GIGYF2: variants seen among roughly 807,000 people sequenced by gnomAD.
GIGYF2 encodes the protein GRB10 interacting GYF protein 2.
Under a neutral mutation model 208.1 loss-of-function variants are expected in GIGYF2, and 25 were observed. The observed-to-expected ratio is 0.12, with a 90% confidence interval of 0.09 to 0.17. The LOEUF is 0.17. Ranked by LOEUF, GIGYF2 falls within the 10% of genes least tolerant of loss-of-function variation. GIGYF2 has a pLI of 1.00. For synonymous variants in GIGYF2, 534 were observed against 543.8 expected (o/e 0.98, Z 0.25); for missense variants, 1,302 against 1,579.4 (o/e 0.82, Z 2.98).
intron 16 of GIGYF2, chr2:232,810,930 G>T: frequency 3.5e-6 from 1 of 287,272 alleles, no homozygotes; most frequent in Non-Finnish European, 6.7e-6. Flanking sequence ...GTTATCTTTG[G>T]AGTTTACCAA....
At chr2:232,785,153 A>G (rs996627741) in intron 8 of GIGYF2, among the ~76,000 whole-genome samples, 3 of 152,150 alleles carry the variant, frequency 2.0e-5, no homozygotes, top group Admixed American at 2.0e-4. Flanking sequence ...AAAATGGACT[A>G]ATAAACCAAG....
intron 2 of GIGYF2, among the ~76,000 whole-genome samples, chr2:232,703,786 C>T (rs763819190): frequency 2.5e-4 from 38 of 152,226 alleles, no homozygotes; most frequent in Non-Finnish European, 4.3e-4. Flanking sequence ...CAGTTGACTT[C>T]ATGAGGGACA....
chr2:232,855,790 C>T (rs1232066128), intron 28 of GIGYF2, among the ~76,000 whole-genome samples: 2 of 152,016 alleles, frequency 1.3e-5, no homozygotes, highest in South Asian at 2.1e-4. Context: ...CCATGGTAAC[C>T]CCCCTGCCCA....
intron 5 of GIGYF2, among the ~76,000 whole-genome samples, chr2:232,752,256 G>A (rs1698360896): frequency 6.6e-6 from 1 of 152,196 alleles, no homozygotes. Context: ...TCAGAGATTA[G>A]TATTGACTAG....
chr2:232,811,153 G>A (rs1700722288), intron 16 of GIGYF2, 91 bp from the exon 17 acceptor site: 4 of 733,864 alleles, frequency 5.5e-6, no homozygotes, highest in African/African-American at 3.4e-5. Context: ...GTCTCCTGGG[G>A]GGCTTTGAAT....
chr2:232,839,956 G>A lies in GIGYF2; in HGVS notation c.2874G>A (p.Arg958=). The change falls in exon 23 of 29, where the codon CGG becomes CGA. Residue 958 remains arginine, a synonymous_variant. Coordinates refer to ENST00000373563, the MANE Select transcript of GIGYF2 (RefSeq NM_001103146.3). The part of the protein sequence containing the change: ...EIQKLEEERE[R]QLREEQRRQQ... ...AAAAACTAGAGGAAGAACGAGAACGGCAGCTTCGAGAAGAGGTAAAATTTT... is the reference window on the plus strand; with the variant it reads ...AAAAACTAGAGGAAGAACGAGAACGACAGCTTCGAGAAGAGGTAAAATTTT... 1 of 1,614,016 alleles carries A rather than the reference G, an allele frequency of 6.2e-7. No homozygotes were observed. Among genetic ancestry groups the A allele is most frequent in the Non-Finnish European group, 8.5e-7 (1 of 1,179,928 alleles).
At chr2:232,822,903 T>C (rs1382085264) in intron 21 of GIGYF2, among the ~76,000 whole-genome samples, 2 of 152,168 alleles carry the variant, frequency 1.3e-5, no homozygotes, top group African/African-American at 4.8e-5. Context: ...TGGATAGAAG[T>C]GGTTAAAATG....
chr2:232,765,124 T>C (rs1242296302), intron 8 of GIGYF2, among the ~76,000 whole-genome samples: 3 of 152,234 alleles, frequency 2.0e-5, no homozygotes, highest in African/African-American at 7.2e-5. Context: ...GATTGAATGC[T>C]TTTTGAAAAG....
At position 232,814,569 on chromosome 2, in the gene GIGYF2, C is replaced by CCG. The variant is rs1553616928; in HGVS notation, c.2108-1067_2108-1066insGC. Among the ~76,000 whole-genome samples the CCG allele has an allele frequency of 1.6e-5, 2 of 126,498 alleles. 1 individual carries two copies. Among genetic ancestry groups the CCG allele is most frequent in the Non-Finnish European group, 3.6e-5 (2 of 56,306 alleles). 83.0% of individuals were successfully genotyped at this position (126,498 alleles called of 152,430 possible). A position where few individuals can be genotyped will look rare whatever the true frequency, so the allele number is the denominator to read the frequency against. On this transcript the variant is annotated intron_variant, in intron 18 of 28. Transcript: ENST00000373563. The stretch of plus-strand genomic sequence containing the variant: ...CAGAGTGAGACTCCACCTCAAACCC[C>CCG]CCCCCCCCAAAAAAAAAGTACCTTC...
chr2:232,847,658 G>T, intron 27 of GIGYF2, 87 bp downstream of exon 27: 1 of 1,546,592 alleles, frequency 6.5e-7, no homozygotes, highest in Non-Finnish European at 8.8e-7. Context: ...TTAATACAAA[G>T]GTACCATTTT....
chr2:232,856,488 A>G (rs565254424), intron 28 of GIGYF2, among the ~76,000 whole-genome samples: 1 of 152,136 alleles, frequency 6.6e-6, no homozygotes, highest in African/African-American at 2.4e-5. Context: ...TCAGGAGTTC[A>G]AGACCAGACT....
In GIGYF2 at chr2:232,858,475, G is replaced by A. The variant is rs1465016812; in HGVS notation, c.*1615G>A. The A allele has an allele frequency of 2.2e-6, 1 of 455,234 alleles. No individual in the cohort carries two copies. Among genetic ancestry groups the A allele is most frequent in the Admixed American group, 2.4e-5 (1 of 42,140 alleles). The allele number at this position is 455,234 out of a possible 1,614,324, so 28.2% of individuals were successfully genotyped here. On this transcript the variant is annotated 3_prime_UTR_variant, in exon 29 of 29. Coordinates refer to ENST00000373563, the MANE Select transcript of GIGYF2 (RefSeq NM_001103146.3). ...AGGGGAGAGGAAACCATTAAAAGTT[G>A]GGGCTCCTACTCTCCTTTGCTTTGT...
intron 2 of GIGYF2, among the ~76,000 whole-genome samples, chr2:232,723,506 C>G (rs1697039124): frequency 6.7e-6 from 1 of 150,108 alleles, no homozygotes; most frequent in East Asian, 2.0e-4. Flanking sequence ...TCTCAGCTCA[C>G]TGCAACCCCG....
chr2:232,845,739 G>A lies in GIGYF2; in HGVS notation c.3313G>A (p.Val1105Ile), dbSNP rs1701978579. Reference sequence around the variant, plus strand: ...CCTATTGTTTTGCTTTAGTAAATCTGTAGGTGTGTCTAACCGGCAGAATAA... The same window carrying A: ...CCTATTGTTTTGCTTTAGTAAATCTATAGGTGTGTCTAACCGGCAGAATAA... ...NKNNASLSKS[V>I]GVSNRQNKKV... is the part of the protein sequence containing the mutation. Residue 1105 changes from valine to isoleucine, a missense_variant, in exon 26 of 29, where the codon GTA becomes ATA. Val to Ile is a conservative substitution (Grantham distance 29). Transcript: ENST00000373563. 3.1e-6 allele frequency: 5 copies of A among 1,599,730 alleles called. No individual in the cohort carries two copies. The highest frequency in any genetic ancestry group is 2.7e-5 in the African/African-American group (2 of 74,612).
intron 8 of GIGYF2, chr2:232,765,948 A>G (rs897149263): frequency 8.5e-6 from 4 of 471,042 alleles, no homozygotes; most frequent in African/African-American, 8.0e-5. Context: ...CATGTGTGCA[A>G]GACTTCATGA....
chr2:232,749,252 A>G (rs1698255714), intron 5 of GIGYF2, among the ~76,000 whole-genome samples, 170 bp downstream of exon 5: 2 of 152,196 alleles, frequency 1.3e-5, no homozygotes, highest in Admixed American at 6.5e-5. Context: ...TTGCTGTAGT[A>G]TCTGTAGCTT....
chr2:232,828,328 G>C lies in GIGYF2; in HGVS notation c.2530-4529G>C, dbSNP rs1574931338. On this transcript the variant is annotated intron_variant, in intron 21 of 28. Coordinates refer to ENST00000373563, the MANE Select transcript of GIGYF2 (RefSeq NM_001103146.3). ...TTCTAACTTAATTATGTTGTAGTCAGAGAACACAATCTGTAAGATCCCAAT... is the reference window on the plus strand; with the variant it reads ...TTCTAACTTAATTATGTTGTAGTCACAGAACACAATCTGTAAGATCCCAAT... Among the ~76,000 whole-genome samples, 4 of 151,830 alleles carry C rather than the reference G, an allele frequency of 2.6e-5. No homozygotes were observed. In the South Asian group the frequency reaches 8.3e-4, roughly 32 times the overall value.
intron 14 of GIGYF2, among the ~76,000 whole-genome samples, chr2:232,799,155 A>G (rs911116925): frequency 6.6e-5 from 10 of 152,066 alleles, no homozygotes; most frequent in Non-Finnish European, 1.3e-4. Context: ...TTAAGACTGA[A>G]TAATATTCCC....
intron 2 of GIGYF2, among the ~76,000 whole-genome samples, chr2:232,718,427 A>G (rs954111329): frequency 6.6e-6 from 1 of 152,146 alleles, no homozygotes; most frequent in African/African-American, 2.4e-5. Context: ...GCTGAGTAAT[A>G]TTTCATTATA....
Sources: gnomAD v4.1 joint callset for allele counts (sites outside exome capture counted in the v4.1 genomes callset) on GRCh38, gnomAD v4.1.1 for gene constraint, MANE v1.5 for transcripts, NCBI Gene and HGNC (gene_info 2026-07-23, HGNC 2026-07-21) for gene names.